SLC12A8: variants seen among roughly 807,000 people sequenced by gnomAD.
The protein encoded by SLC12A8 is cation-chloride cotransporter 9.
SLC12A8 carries 69 observed loss-of-function variants against 75.6 expected under a neutral mutation model. That is an observed-to-expected ratio of 0.91 (90% CI 0.75 to 1.11). SLC12A8 has a LOEUF of 1.11. Among genes scored for constraint, SLC12A8 ranks in the 50% most tolerant of loss-of-function variants. SLC12A8 has a pLI of 0.00. For missense variants in SLC12A8, 877 were observed against 896.7 expected, an observed-to-expected ratio of 0.98 and a Z score of 0.28; for synonymous variants, 365 against 372.8, an observed-to-expected ratio of 0.98 and a Z score of 0.24.
rs534701306 is a variant in SLC12A8 at position 125,212,726 on chromosome 3, C to G, written c.-72G>C. The G allele has an allele frequency of 6.5e-6, 1 of 153,420 alleles. No homozygotes were observed. The highest frequency in any genetic ancestry group is 1.4e-5 in the Non-Finnish European group (1 of 69,068). The allele number at this position is 153,420 out of a possible 1,614,324, so 9.5% of individuals were successfully genotyped here. ...TGCTCCTGGGACAGCCAGCTCCCAGCGCCCGGCCCGCCCGGTCCCCGCCCC... is the reference window on the plus strand; with the variant it reads ...TGCTCCTGGGACAGCCAGCTCCCAGGGCCCGGCCCGCCCGGTCCCCGCCCC... On this transcript the variant is annotated 5_prime_UTR_variant, in exon 1 of 14. Transcript: ENST00000469902.
intron 2 of SLC12A8, among the ~76,000 whole-genome samples, chr3:125,192,882 C>G (rs1021364952): frequency 6.6e-6 from 1 of 151,910 alleles, no homozygotes; most frequent in Admixed American, 6.6e-5. Flanking sequence ...AGGGAGTAAC[C>G]CTGATGTTCT....
chr3:125,096,654 A>G (rs1278480420), intron 10 of SLC12A8, among the ~76,000 whole-genome samples: 1 of 152,180 alleles, frequency 6.6e-6, no homozygotes, highest in East Asian at 1.9e-4. Flanking sequence ...TGCCAACTCT[A>G]GGCATTTAGA....
At chr3:125,143,188 A>G (rs1031854164) in intron 5 of SLC12A8, among the ~76,000 whole-genome samples, 1 of 152,270 alleles carries the variant, frequency 6.6e-6, no homozygotes, top group African/African-American at 2.4e-5. Flanking sequence ...TTTGGAGTCC[A>G]GATAGTATCA....
intron 10 of SLC12A8, among the ~76,000 whole-genome samples, chr3:125,104,772 G>A (rs2107740094): frequency 6.6e-6 from 1 of 152,276 alleles, no homozygotes; most frequent in African/African-American, 2.4e-5. Flanking sequence ...TGGGACTTTT[G>A]AGGAAGCCTC....
intron 8 of SLC12A8, among the ~76,000 whole-genome samples, chr3:125,111,594 A>ACC (rs1313816654): frequency 0.013 from 2,049 of 152,326 alleles, 45 homozygotes; most frequent in African/African-American, 0.045. Context: ...TAGAGTTAAT[A>ACC]TTCAGCTTTG....
Position 125,120,603 on chromosome 3 carries a change from T to A in SLC12A8, c.820A>T (p.Ile274Phe). The A allele has an allele frequency of 4.3e-6, 7 of 1,612,660 alleles. No homozygotes were observed. The highest frequency in any genetic ancestry group is 5.9e-6 in the Non-Finnish European group (7 of 1,179,118). ...ATTGCCATGAGGGGAACTTACGAGA[T>A]GCCAACAGCTGCCAGGGAGCCCAGG... ...IPLGSLAAVG[I>F]SWFLYIIFVF... Residue 274 changes from isoleucine to phenylalanine, a missense_variant, in exon 7 of 14, where the codon ATC becomes TTC. Ile to Phe is a conservative substitution (Grantham distance 21). Transcript: ENST00000469902.
In SLC12A8 at chr3:125,194,431, G is replaced by A. The variant is rs573680332; in HGVS notation, c.52-3910C>T. Among the ~76,000 whole-genome samples, 246 of 151,896 alleles carry A rather than the reference G, an allele frequency of 1.6e-3. 2 individuals are homozygous for A. In the Middle Eastern group the frequency reaches 0.048, roughly 29 times the overall value. The stretch of plus-strand genomic sequence containing the variant: ...AATAATCTCCATACTTGAGCGAGGT[G>A]GGGGGCAGATTGGTGGGGGTAGGGG... On this transcript the variant is annotated intron_variant, in intron 2 of 13. Transcript: ENST00000469902.
intron 5 of SLC12A8, among the ~76,000 whole-genome samples, chr3:125,170,096 AT>A (rs1321936947): frequency 6.6e-6 from 1 of 152,182 alleles, no homozygotes; most frequent in Non-Finnish European, 1.5e-5. Context: ...AAAAGATTAC[AT>A]TTTTTTGCCC....
At chr3:125,100,351 A>C (rs1483392721) in intron 10 of SLC12A8, among the ~76,000 whole-genome samples, 2 of 152,168 alleles carry the variant, frequency 1.3e-5, no homozygotes, top group Non-Finnish European at 2.9e-5. Flanking sequence ...ATTATCACAA[A>C]TCTGCTATTT....
chr3:125,198,276 A>C (rs2107800523), intron 2 of SLC12A8, among the ~76,000 whole-genome samples: 1 of 145,432 alleles, frequency 6.9e-6, no homozygotes, highest in South Asian at 2.2e-4. Flanking sequence ...AAAACAAAAC[A>C]GTCAAGGTCA....
intron 5 of SLC12A8, among the ~76,000 whole-genome samples, chr3:125,166,032 C>A (rs1330430087): frequency 1.3e-5 from 2 of 152,178 alleles, no homozygotes; most frequent in Non-Finnish European, 2.9e-5. Context: ...TAAATTCACT[C>A]AACAAATATG....
At chr3:125,149,145 G>A (rs531751047) in intron 5 of SLC12A8, among the ~76,000 whole-genome samples, 2 of 152,202 alleles carry the variant, frequency 1.3e-5, no homozygotes, top group Admixed American at 1.3e-4. Context: ...CCAGGGAGTC[G>A]GGCCAGCCCA....
chr3:125,169,798 T>C lies in SLC12A8; in HGVS notation c.622+7945A>G, dbSNP rs543992860. ...ATCACCCTACTGTGATGCCCACCTG[T>C]CACAACTGCCACCCACTTGGGTTGT... On this transcript the variant is annotated intron_variant, in intron 5 of 13. Transcript: ENST00000469902. Among the ~76,000 whole-genome samples the C allele has an allele frequency of 4.3e-4, 65 of 152,236 alleles. 2 individuals are homozygous for C. The South Asian group carries it at 0.012, about 29-fold the overall frequency.
At chr3:125,139,220 C>CAAAG (rs1560064855) in intron 5 of SLC12A8, among the ~76,000 whole-genome samples, 1 of 151,920 alleles carries the variant, frequency 6.6e-6, no homozygotes, top group African/African-American at 2.4e-5. Context: ...AAATAAGGAC[C>CAAAG]AAAGAAAGAA....
chr3:125,138,803 T>C (rs1933555956), intron 5 of SLC12A8, among the ~76,000 whole-genome samples: 1 of 150,944 alleles, frequency 6.6e-6, no homozygotes, highest in South Asian at 2.1e-4. Context: ...AGCCCAGGTG[T>C]TTTAGACCAG....
At chr3:125,184,251 G>A (rs563122338) in intron 4 of SLC12A8, among the ~76,000 whole-genome samples, 9 of 152,282 alleles carry the variant, frequency 5.9e-5, no homozygotes, top group South Asian at 2.1e-4. Context: ...GATTACAGGC[G>A]TGAGCAACCA....
At chr3:125,172,515 C>T (rs1049733028) in intron 5 of SLC12A8, among the ~76,000 whole-genome samples, 2 of 152,186 alleles carry the variant, frequency 1.3e-5, no homozygotes, top group East Asian at 1.9e-4. Context: ...CAGATGACCA[C>T]AGACCCTGAG....
intron 8 of SLC12A8, among the ~76,000 whole-genome samples, chr3:125,111,603 T>C (rs942778254): frequency 8.5e-5 from 13 of 152,220 alleles, no homozygotes; most frequent in Admixed American, 8.5e-4. Flanking sequence ...TATTCAGCTT[T>C]GTCACTTACA....
rs558174010 is a variant in SLC12A8, at chr3:125,118,393, G to A, written c.912+376C>T. Among the ~76,000 whole-genome samples the A allele has an allele frequency of 6.2e-4, 94 of 152,284 alleles. 1 individual carries two copies. In the South Asian group the frequency reaches 0.012, roughly 20 times the overall value. ...AATCTCAGCACTTTGGGAGGTCAAG[G>A]TGGGAGGATCACTTGAGGCCAGGAG... On this transcript the variant is annotated intron_variant, in intron 8 of 13. Coordinates refer to ENST00000469902, the MANE Select transcript of SLC12A8 (RefSeq NM_024628.6).
Sources: gnomAD v4.1 joint callset for allele counts (sites outside exome capture counted in the v4.1 genomes callset) on GRCh38, gnomAD v4.1.1 for gene constraint, MANE v1.5 for transcripts, NCBI Gene and HGNC (gene_info 2026-07-23, HGNC 2026-07-21) for gene names.